The following CAPN7 variants were observed in gnomAD, a reference collection of about 807,000 sequenced individuals.
The protein encoded by CAPN7 is calpain-7.
In CAPN7, 72 loss-of-function variants were observed where a neutral mutation model predicts 115.2. The observed-to-expected ratio is 0.63, with a 90% CI of 0.52 to 0.76. The LOEUF is 0.76. CAPN7 is among the 30% of genes least tolerant of loss of function. The pLI is 0.00. For missense variants in CAPN7, 905 were observed against 971.5 expected (o/e 0.93, Z 0.91); for synonymous variants, 344 against 322.3 (o/e 1.07, Z -0.72).
intron 6 of CAPN7, 30 bp downstream of exon 6, chr3:15,223,591 C>G (rs1190891495): frequency 7.7e-7 from 1 of 1,292,320 alleles, no homozygotes; most frequent in Non-Finnish European, 1.1e-6. Flanking sequence ...ATTTTTAACT[C>G]CAATATTTTA....
At chr3:15,214,810 T>C (rs2045152495) in intron 2 of CAPN7, among the ~76,000 whole-genome samples, 1 of 152,248 alleles carries the variant, frequency 6.6e-6, no homozygotes, top group South Asian at 2.1e-4. Flanking sequence ...CACTTGTAGC[T>C]GTGAAATCTT....
chr3:15,206,364 C>G lies in CAPN7; in HGVS notation c.-132C>G, dbSNP rs1266401555. ...CAACGGGAAGGCGAGCTCTCCTCCA[C>G]CGTCCAAAGTAAACTTTGCCGCTCC... On this transcript the variant is annotated 5_prime_UTR_variant, in exon 1 of 21. Coordinates refer to ENST00000253693, the MANE Select transcript of CAPN7 (RefSeq NM_014296.3). The G allele has an allele frequency of 1.5e-6, 1 of 647,208 alleles. No homozygotes were observed. The highest frequency in any genetic ancestry group is 2.6e-6 in the Non-Finnish European group (1 of 378,298). 40.1% of individuals were successfully genotyped at this position (647,208 alleles called of 1,614,324 possible).
At chr3:15,248,277 C>A (rs940627828) in intron 19 of CAPN7, among the ~76,000 whole-genome samples, 1 of 152,170 alleles carries the variant, frequency 6.6e-6, no homozygotes, top group Admixed American at 6.5e-5. Flanking sequence ...AAATTGGAAA[C>A]ATATATTCAT....
At chr3:15,218,667 C>T in intron 4 of CAPN7, 127 bp downstream of exon 4, 1 of 698,594 alleles carries the variant, frequency 1.4e-6, no homozygotes, top group Non-Finnish European at 2.5e-6. Flanking sequence ...TGAAACAAAT[C>T]TACTTTCTAC....
intron 2 of CAPN7, among the ~76,000 whole-genome samples, chr3:15,215,679 T>G (rs1191412343): frequency 6.6e-6 from 1 of 152,272 alleles, no homozygotes; most frequent in East Asian, 1.9e-4. Flanking sequence ...TCATTGCTTT[T>G]TATGGCTGAG....
intron 15 of CAPN7, 115 bp downstream of exon 15, chr3:15,241,703 T>C: frequency 2.7e-6 from 2 of 751,698 alleles, no homozygotes; most frequent in Non-Finnish European, 2.1e-6. Flanking sequence ...GCCCTGAGAA[T>C]AGTGTTTTCT....
intron 2 of CAPN7, among the ~76,000 whole-genome samples, chr3:15,214,073 G>T (rs1328220480): frequency 6.6e-6 from 1 of 151,968 alleles, no homozygotes; most frequent in African/African-American, 2.4e-5. Flanking sequence ...GTAGAGACAG[G>T]ATTTCACCAT....
chr3:15,221,526 G>T (rs946706666), intron 5 of CAPN7, among the ~76,000 whole-genome samples: 6 of 151,808 alleles, frequency 4.0e-5, no homozygotes, highest in African/African-American at 1.2e-4. Context: ...TAGCGTTTTT[G>T]CTAGACATAA....
At position 15,224,868 on chromosome 3, in the gene CAPN7, G is replaced by T. The variant is rs192549666; in HGVS notation, c.725+1307G>T. Among the ~76,000 whole-genome samples the T allele has an allele frequency of 3.2e-4, 49 of 152,332 alleles. No individual in the cohort carries two copies. The East Asian group carries it at 8.3e-3, about 26-fold the overall frequency. ...CCAAGGGTTAGGTATCACAAAGCCAGTTAACATATTTTTTTCACTCAGGTA... is the reference window on the plus strand; with the variant it reads ...CCAAGGGTTAGGTATCACAAAGCCATTTAACATATTTTTTTCACTCAGGTA... On this transcript the variant is annotated intron_variant, in intron 6 of 20. Coordinates refer to ENST00000253693, the MANE Select transcript of CAPN7 (RefSeq NM_014296.3).
In CAPN7 at chr3:15,232,749, T is replaced by C. The variant is rs1169909356; in HGVS notation, c.1179+84T>C. The C allele has an allele frequency of 2.5e-6, 3 of 1,219,628 alleles. No individual in the cohort carries two copies. The African/African-American group carries it at 4.7e-5, about 19-fold the overall frequency. The allele number at this position is 1,219,628 out of a possible 1,614,324, so 75.6% of individuals were successfully genotyped here. A position where few individuals can be genotyped will look rare whatever the true frequency, so the allele number is the denominator to read the frequency against. ...AAATTTGAAAAATTCTAGATAGTCT[T>C]TTTGTTTATAGGGAAAGAGAGCAGA... On this transcript the variant is annotated intron_variant, in intron 10 of 20. Coordinates refer to ENST00000253693, the MANE Select transcript of CAPN7 (RefSeq NM_014296.3).
At chr3:15,238,750 C>G (rs1459834735) in intron 12 of CAPN7, among the ~76,000 whole-genome samples, 1 of 151,652 alleles carries the variant, frequency 6.6e-6, no homozygotes, top group African/African-American at 2.4e-5. Context: ...GACTTCAGTT[C>G]AGACAGGTGT....
intron 16 of CAPN7, among the ~76,000 whole-genome samples, chr3:15,244,072 T>G (rs570372261): frequency 6.6e-6 from 1 of 152,154 alleles, no homozygotes; most frequent in Non-Finnish European, 1.5e-5. Context: ...GAGACTATGA[T>G]GTAAGGAAGC....
rs751405039 is a variant in CAPN7 at position 15,245,685 on chromosome 3, A to T, written c.2010+14A>T. ...TACACGGTTCGGGTAAGTAAAACCAACACACAATGACAAAACACAGTAATA... is the reference window on the plus strand; with the variant it reads ...TACACGGTTCGGGTAAGTAAAACCATCACACAATGACAAAACACAGTAATA... On this transcript the variant is annotated intron_variant, in intron 17 of 20. Coordinates refer to ENST00000253693, the MANE Select transcript of CAPN7 (RefSeq NM_014296.3). The T allele has an allele frequency of 5.6e-6, 9 of 1,608,364 alleles. No homozygotes were observed. Among genetic ancestry groups the T allele is most frequent in the Non-Finnish European group, 7.6e-6 (9 of 1,177,262 alleles).
chr3:15,241,316 A>T, intron 14 of CAPN7, 137 bp from the exon 15 acceptor site: 2 of 732,126 alleles, frequency 2.7e-6, no homozygotes, highest in South Asian at 2.0e-5. Context: ...CATGCTTCCT[A>T]GTTATGCCAA....
chr3:15,220,222 A>G (rs1398602074), intron 4 of CAPN7, among the ~76,000 whole-genome samples: 1 of 152,146 alleles, frequency 6.6e-6, no homozygotes, highest in Non-Finnish European at 1.5e-5. Flanking sequence ...AAAAAATTTA[A>G]AAAAGAAATT....
At chr3:15,240,171 T>A (rs903726935) in intron 12 of CAPN7, among the ~76,000 whole-genome samples, 3 of 152,256 alleles carry the variant, frequency 2.0e-5, no homozygotes, top group African/African-American at 7.2e-5. Flanking sequence ...AGCTACTAGC[T>A]ACCTGTGGTC....
chr3:15,214,302 A>G (rs1341860159), intron 2 of CAPN7, among the ~76,000 whole-genome samples: 3 of 152,230 alleles, frequency 2.0e-5, no homozygotes, highest in Non-Finnish European at 4.4e-5. Flanking sequence ...TTTTAAGCAG[A>G]AAAGTCCTTT....
At chr3:15,242,534 G>A (rs1695409859) in intron 16 of CAPN7, among the ~76,000 whole-genome samples, 1 of 152,164 alleles carries the variant, frequency 6.6e-6, no homozygotes, top group Admixed American at 6.5e-5. Context: ...CTAATCAAAT[G>A]TATTCTGTGG....
chr3:15,247,306 TA>T lies in CAPN7; in HGVS notation c.2074-17del. On this transcript the variant is annotated intron_variant, in intron 18 of 20. Transcript: ENST00000253693. The stretch of plus-strand genomic sequence containing the variant: ...ATTGGAAATGAAATTTTGTTAATAC[TA>T]AAACTTTTGTTTTTATTAGATTAAT... 6.6e-7 allele frequency: 1 copy of T among 1,505,998 alleles called. No individual in the cohort carries two copies. Among genetic ancestry groups the T allele is most frequent in the Non-Finnish European group, 8.9e-7 (1 of 1,127,004 alleles). 93.3% of individuals were successfully genotyped at this position (1,505,998 alleles called of 1,614,324 possible). A position where few individuals can be genotyped will look rare whatever the true frequency, so the allele number is the denominator to read the frequency against.
Sources: gnomAD v4.1 joint callset for allele counts (sites outside exome capture counted in the v4.1 genomes callset) on GRCh38, gnomAD v4.1.1 for gene constraint, MANE v1.5 for transcripts, NCBI Gene and HGNC (gene_info 2026-07-23, HGNC 2026-07-21) for gene names.